SPCS2: variants seen among roughly 807,000 people sequenced by gnomAD.
The protein encoded by SPCS2 is signal peptidase complex subunit 2.
In SPCS2, 3 loss-of-function variants were observed where a neutral mutation model predicts 22.3. The observed-to-expected ratio is 0.13, with a 90% CI of 0.06 to 0.35. The LOEUF (loss-of-function observed/expected upper bound fraction) is 0.35, where lower values mean the gene tolerates loss of function less well. Ranked by LOEUF, SPCS2 falls within the 10% of genes least tolerant of loss-of-function variation. The probability of loss-of-function intolerance (pLI) is 1.00; values close to 1 mark genes in which losing one functional copy is unlikely to be tolerated. For synonymous variants in SPCS2, 67 were observed against 97.2 expected (o/e 0.69, Z 1.83); for missense variants, 169 against 280.9 (o/e 0.60, Z 2.85).
chr11:74,971,990 C>T (rs1312610338), intron 4 of SPCS2, among the ~76,000 whole-genome samples: 1 of 152,220 alleles, frequency 6.6e-6, no homozygotes, highest in African/African-American at 2.4e-5. Flanking sequence ...ACCTGGCTCA[C>T]TCCTACTTCC....
At chr11:74,967,793 G>T (rs1490479345) in intron 3 of SPCS2, among the ~76,000 whole-genome samples, 3 of 152,016 alleles carry the variant, frequency 2.0e-5, no homozygotes, top group African/African-American at 7.2e-5. Flanking sequence ...AATTAGCTGG[G>T]TGTAGTGGCA....
At chr11:74,967,361 A>T (rs749567251) in intron 3 of SPCS2, among the ~76,000 whole-genome samples, 1 of 152,246 alleles carries the variant, frequency 6.6e-6, no homozygotes. Flanking sequence ...AACTACCTTG[A>T]TGGTAATTCA....
At chr11:74,961,840 C>T (rs1222917660) in intron 1 of SPCS2, among the ~76,000 whole-genome samples, 1 of 152,126 alleles carries the variant, frequency 6.6e-6, no homozygotes, top group Non-Finnish European at 1.5e-5. Context: ...AACCAATCAG[C>T]TTGTGATTTG....
chr11:74,973,829 C>G (rs1948600640), intron 4 of SPCS2, among the ~76,000 whole-genome samples: 1 of 152,202 alleles, frequency 6.6e-6, no homozygotes, highest in African/African-American at 2.4e-5. Flanking sequence ...CTTCCAAGTA[C>G]CTATCTAAGG....
chr11:74,969,694 T>C lies in SPCS2; in HGVS notation c.489T>C (p.Leu163=), dbSNP rs761651005. Residue 163 remains leucine (L), a synonymous_variant, in exon 4 of 5, where the codon CTT becomes CTC. Coordinates refer to ENST00000263672, the MANE Select transcript of SPCS2 (RefSeq NM_014752.3). The part of the protein sequence containing the change: ...PDDIWQLSSS[L]KRFDDKYTLK... ...ATATTTGGCAGCTGTCCTCCAGTCT[T>C]AAAAGGTATGACTATCCTCACAGAT... 2 of 1,613,754 alleles carry C rather than the reference T, an allele frequency of 1.2e-6. No individual in the cohort carries two copies. Among genetic ancestry groups the C allele is most frequent in the Non-Finnish European group, 1.7e-6 (2 of 1,179,690 alleles).
intron 4 of SPCS2, among the ~76,000 whole-genome samples, chr11:74,971,884 A>G (rs1948586831): frequency 6.6e-6 from 1 of 152,198 alleles, no homozygotes; most frequent in Non-Finnish European, 1.5e-5. Flanking sequence ...TACTCTGGCA[A>G]TATTATGGAA....
chr11:74,972,475 T>G, intron 4 of SPCS2, among the ~76,000 whole-genome samples: 1 of 152,322 alleles, frequency 6.6e-6, no homozygotes, highest in Non-Finnish European at 1.5e-5. Flanking sequence ...CTCCAAAGTG[T>G]GAGCTCCTTT....
At chr11:74,957,831 C>G (rs1240965035) in intron 1 of SPCS2, among the ~76,000 whole-genome samples, 2 of 152,146 alleles carry the variant, frequency 1.3e-5, no homozygotes, top group East Asian at 3.8e-4. Flanking sequence ...GAAATTCATA[C>G]TGGATGATTA....
intron 1 of SPCS2, among the ~76,000 whole-genome samples, chr11:74,962,033 CAT>C (rs1180662821): frequency 6.6e-6 from 1 of 152,178 alleles, no homozygotes; most frequent in East Asian, 1.9e-4. Context: ...TGGCACTTAA[CAT>C]CTTTGAACTC....
chr11:74,949,459 A>T lies in SPCS2; in HGVS notation c.114+60A>T, dbSNP rs1282689. On this transcript the variant is annotated intron_variant, in intron 1 of 4. Coordinates refer to ENST00000263672, the MANE Select transcript of SPCS2 (RefSeq NM_014752.3). The stretch of plus-strand genomic sequence containing the variant: ...GGGGAGGCCTGGGAGGCGGCGAGCC[A>T]ACCTTCCCATCCCGGTCTCCCTTAT... 3 of 1,433,460 alleles carry T rather than the reference A, an allele frequency of 2.1e-6. No individual in the cohort carries two copies. In the African/African-American group the frequency reaches 4.2e-5, roughly 20 times the overall value. The allele number at this position is 1,433,460 out of a possible 1,614,324, so 88.8% of individuals were successfully genotyped here.
At chr11:74,965,151 T>A in intron 2 of SPCS2, 34 bp downstream of exon 2, 2 of 1,361,528 alleles carry the variant, frequency 1.5e-6, no homozygotes, top group Non-Finnish European at 2.0e-6. Context: ...TTAGTATCTA[T>A]ACAGCTGATG....
At chr11:74,964,285 TC>T (rs1462702519) in intron 1 of SPCS2, among the ~76,000 whole-genome samples, 1 of 152,222 alleles carries the variant, frequency 6.6e-6, no homozygotes, top group Non-Finnish European at 1.5e-5. Flanking sequence ...ATTTTGAACT[TC>T]TACATGAGCA....
chr11:74,956,094 G>A (rs1948477581), intron 1 of SPCS2, among the ~76,000 whole-genome samples: 2 of 151,480 alleles, frequency 1.3e-5, no homozygotes, highest in South Asian at 4.2e-4. Flanking sequence ...ACGTCAACTA[G>A]TCTTTGTTGT....
At position 74,976,434 on chromosome 11, in the gene SPCS2, C is replaced by A. The variant is rs73496952; in HGVS notation, c.495-423C>A. 2.7e-3 allele frequency among the ~76,000 whole-genome samples: 417 copies of A among 152,322 alleles called. 1 individual carries two copies. Among genetic ancestry groups the A allele is most frequent in the African/African-American group, 9.6e-3 (399 of 41,566 alleles). ...ACTGTGGAAGACAGAGGAAACACAT[C>A]TGACCCAGATTGGTAGGCTTTCCCA... On this transcript the variant is annotated intron_variant, in intron 4 of 4. Transcript: ENST00000263672.
intron 4 of SPCS2, among the ~76,000 whole-genome samples, chr11:74,974,817 T>C (rs1948606101): frequency 6.6e-6 from 1 of 152,126 alleles, no homozygotes; most frequent in Admixed American, 6.5e-5. Context: ...GGTTTCACCA[T>C]GTTAGCCAGG....
intron 4 of SPCS2, among the ~76,000 whole-genome samples, chr11:74,975,949 C>A (rs959623623): frequency 6.6e-6 from 1 of 152,052 alleles, no homozygotes; most frequent in Non-Finnish European, 1.5e-5. Flanking sequence ...GTCATTAAAC[C>A]CTCTTGAATG....
At chr11:74,951,165 C>G (rs1948442661) in intron 1 of SPCS2, among the ~76,000 whole-genome samples, 1 of 152,190 alleles carries the variant, frequency 6.6e-6, no homozygotes, top group African/African-American at 2.4e-5. Context: ...AAGATTTCAG[C>G]TTTGAAGTAT....
At chr11:74,966,484 A>C (rs113734609) in intron 3 of SPCS2, among the ~76,000 whole-genome samples, 2 of 152,310 alleles carry the variant, frequency 1.3e-5, no homozygotes, top group African/African-American at 4.8e-5. Flanking sequence ...AAATTTACTT[A>C]TTTTTGAGAT....
chr11:74,967,199 T>C (rs980818970), intron 3 of SPCS2, among the ~76,000 whole-genome samples: 1 of 152,236 alleles, frequency 6.6e-6, no homozygotes, highest in African/African-American at 2.4e-5. Flanking sequence ...CTCCTTTCAG[T>C]AATCAGATTA....
Sources: gnomAD v4.1 joint callset for allele counts (sites outside exome capture counted in the v4.1 genomes callset) on GRCh38, gnomAD v4.1.1 for gene constraint, MANE v1.5 for transcripts, NCBI Gene and HGNC (gene_info 2026-07-23, HGNC 2026-07-21) for gene names.